Variants in GLRA3 observed in about 807,000 individuals in gnomAD.
GLRA3 encodes the protein glycine receptor alpha 3.
In GLRA3, 44 loss-of-function variants were observed where a neutral mutation model predicts 60.4. That is an observed-to-expected ratio of 0.73 (90% CI 0.57 to 0.94). The LOEUF is 0.94. Among genes scored for constraint, GLRA3 ranks in the 40% least tolerant of loss-of-function variants. The pLI is 0.00. For missense variants in GLRA3, 508 were observed against 564.6 expected (o/e 0.90, Z 1.02); for synonymous variants, 223 against 192.9 (o/e 1.16, Z -1.29).
rs34171191 is a variant in GLRA3 at position 174,801,719 on chromosome 4, A to AT, written c.72-12777dup. Among the ~76,000 whole-genome samples the AT allele has an allele frequency of 9.4e-3, 1,423 of 152,162 alleles. 21 individuals carry two copies. Among genetic ancestry groups the AT allele is most frequent in the African/African-American group, 0.032 (1,326 of 41,536 alleles). On this transcript the variant is annotated intron_variant, in intron 1 of 9. Transcript: ENST00000274093. Reference sequence around the variant, plus strand: ...GTGATTGCCTTTGCCTAAAGTGCTCATGGTCCTCTATTCATCTCATTAACT... The same window carrying AT: ...GTGATTGCCTTTGCCTAAAGTGCTCATTGGTCCTCTATTCATCTCATTAACT...
chr4:174,763,749 C>T (rs142799974), intron 3 of GLRA3, among the ~76,000 whole-genome samples: 100 of 152,236 alleles, frequency 6.6e-4, no homozygotes, highest in Non-Finnish European at 1.2e-3. Context: ...AAAGGCAGGA[C>T]AGATGTGCCT....
In GLRA3 at chr4:174,638,888, A is replaced by T. The variant is rs1259051233; in HGVS notation, c.*4898T>A. 2 of 152,212 alleles carry T rather than the reference A, an allele frequency of 1.3e-5. No homozygotes were observed. The highest frequency in any genetic ancestry group is 2.9e-5 in the Non-Finnish European group (2 of 68,036). 9.4% of individuals were successfully genotyped at this position (152,212 alleles called of 1,614,324 possible). A position where few individuals can be genotyped will look rare whatever the true frequency, so the allele number is the denominator to read the frequency against. On this transcript the variant is annotated 3_prime_UTR_variant, in exon 10 of 10. Transcript: ENST00000274093. ...TAATCTTCTATGTTGGACACCAAGC[A>T]TATGTATGTATTTTTAAAATGTGTA...
chr4:174,694,204 T>G (rs1734965261), intron 5 of GLRA3, among the ~76,000 whole-genome samples: 1 of 152,094 alleles, frequency 6.6e-6, no homozygotes, highest in Non-Finnish European at 1.5e-5. Context: ...AAAAACATAT[T>G]CAGAATGTAA....
intron 3 of GLRA3, among the ~76,000 whole-genome samples, chr4:174,764,954 T>G (rs952159250): frequency 3.3e-5 from 5 of 152,044 alleles, no homozygotes; most frequent in Non-Finnish European, 5.9e-5. Flanking sequence ...GTGGACATGA[T>G]TAGGTTTGTA....
chr4:174,818,070 A>C (rs1740582304), intron 1 of GLRA3, among the ~76,000 whole-genome samples: 2 of 152,226 alleles, frequency 1.3e-5, no homozygotes, highest in African/African-American at 4.8e-5. Context: ...TATTAAATAT[A>C]ATCACTCAGT....
chr4:174,733,877 C>T (rs945071961), intron 3 of GLRA3, among the ~76,000 whole-genome samples: 1 of 152,110 alleles, frequency 6.6e-6, no homozygotes, highest in Non-Finnish European at 1.5e-5. Context: ...ATCAGACTGA[C>T]CATCTCATAA....
chr4:174,747,720 C>G (rs1269350633), intron 3 of GLRA3, among the ~76,000 whole-genome samples: 2 of 152,060 alleles, frequency 1.3e-5, no homozygotes, highest in African/African-American at 2.4e-5. Flanking sequence ...TTCTGGCTGA[C>G]TCAATGAGAT....
At chr4:174,694,343 A>G (rs1734971564) in intron 5 of GLRA3, among the ~76,000 whole-genome samples, 1 of 152,136 alleles carries the variant, frequency 6.6e-6, no homozygotes, top group Non-Finnish European at 1.5e-5. Flanking sequence ...TGGACAAAAA[A>G]CAATCATCAA....
At chr4:174,742,055 AC>A (rs1737049080) in intron 3 of GLRA3, among the ~76,000 whole-genome samples, 1 of 152,196 alleles carries the variant, frequency 6.6e-6, no homozygotes, top group South Asian at 2.1e-4. Context: ...TTAAAAAACA[AC>A]AAAAAAGTCA....
At chr4:174,645,681 G>A (rs1205153700) in intron 9 of GLRA3, among the ~76,000 whole-genome samples, 2 of 152,014 alleles carry the variant, frequency 1.3e-5, no homozygotes, top group African/African-American at 4.8e-5. Flanking sequence ...TGAATTTTGA[G>A]GACACAAGTT....
intron 3 of GLRA3, among the ~76,000 whole-genome samples, chr4:174,754,082 C>A (rs1458119073): frequency 6.6e-6 from 1 of 152,018 alleles, no homozygotes; most frequent in Non-Finnish European, 1.5e-5. Flanking sequence ...CAATTGTATT[C>A]TCTATGATAT....
intron 3 of GLRA3, among the ~76,000 whole-genome samples, chr4:174,728,958 A>G (rs1054049296): frequency 6.6e-5 from 10 of 152,162 alleles, no homozygotes; most frequent in Non-Finnish European, 1.3e-4. Flanking sequence ...AGAGTTTTGG[A>G]TCTTATATAC....
chr4:174,808,373 G>C (rs111317928), intron 1 of GLRA3, among the ~76,000 whole-genome samples: 8 of 151,996 alleles, frequency 5.3e-5, no homozygotes, highest in African/African-American at 1.7e-4. Context: ...ATATCATAGG[G>C]CAATAGATTA....
intron 7 of GLRA3, among the ~76,000 whole-genome samples, chr4:174,664,400 C>T (rs986485288): frequency 6.6e-6 from 1 of 152,018 alleles, no homozygotes. Flanking sequence ...ACCAGACTAC[C>T]ACCTCCCCCA....
Position 174,677,283 on chromosome 4 carries a change from G to C in GLRA3, c.722C>G (p.Thr241Arg). ...CAGATGGAATCGCACTTCTATACAC[G>C]TAAACTTTCCTAATTGGTGGTAAGG... ...CTKHYNTGKF[T>R]CIEVRFHLER... The change falls in exon 7 of 10, where the codon ACG (threonine) becomes AGG (arginine). Residue 241 changes from threonine (T) to arginine (R), a missense_variant. Thr to Arg is a moderately conservative substitution (Grantham distance 71). Transcript: ENST00000274093. 1 of 1,596,486 alleles carries C rather than the reference G, an allele frequency of 6.3e-7. No individual in the cohort carries two copies. The highest frequency in any genetic ancestry group is 1.7e-5 in the Admixed American group (1 of 59,942).
intron 5 of GLRA3, among the ~76,000 whole-genome samples, chr4:174,684,571 A>T (rs1403681118): frequency 6.6e-6 from 1 of 152,224 alleles, no homozygotes; most frequent in Non-Finnish European, 1.5e-5. Flanking sequence ...TTTAAAGACT[A>T]CTGCACAAAA....
intron 1 of GLRA3, among the ~76,000 whole-genome samples, chr4:174,820,766 A>T (rs930486846): frequency 6.6e-6 from 1 of 152,154 alleles, no homozygotes; most frequent in Admixed American, 6.6e-5. Context: ...CCAATCCGAC[A>T]CACTCCCTCC....
chr4:174,669,077 G>C (rs73000661), intron 7 of GLRA3, among the ~76,000 whole-genome samples: 11,718 of 151,756 alleles, frequency 0.077, 1,496 homozygotes, highest in African/African-American at 0.27. Context: ...GCCTTGTTTT[G>C]TGAGGTTTTA....
intron 1 of GLRA3, among the ~76,000 whole-genome samples, chr4:174,790,836 AAAAAAAAAAAGAAAG>A (rs1416024252): frequency 1.0e-4 from 15 of 147,776 alleles, no homozygotes; most frequent in African/African-American, 3.5e-4. Flanking sequence ...AAAAAAAAAA[AAAAAAAAAAAGAAAG>A]AAATTAGCCG....
Sources: gnomAD v4.1 joint callset for allele counts (sites outside exome capture counted in the v4.1 genomes callset) on GRCh38, gnomAD v4.1.1 for gene constraint, MANE v1.5 for transcripts, NCBI Gene and HGNC (gene_info 2026-07-23, HGNC 2026-07-21) for gene names.